The following ERC1 variants were observed in gnomAD, a reference collection of about 807,000 sequenced individuals.
The protein encoded by ERC1 is RAB6 interacting protein 2.
In ERC1, 56 loss-of-function variants were observed where a neutral mutation model predicts 132.0. That is an observed-to-expected ratio of 0.42 (90% CI 0.34 to 0.53). The LOEUF (loss-of-function observed/expected upper bound fraction) is 0.53. ERC1 is among the 20% of genes least tolerant of loss of function. ERC1 has a pLI of 0.03. For missense variants in ERC1, 1,202 were observed against 1,349.9 expected (o/e 0.89, Z 1.72); for synonymous variants, 478 against 476.1 (o/e 1.00, Z -0.05).
At chr12:1,440,397 G>A (rs112427959) in intron 17 of ERC1, among the ~76,000 whole-genome samples, 4,100 of 147,520 alleles carry the variant, frequency 0.028, 251 homozygotes, top group African/African-American at 0.098. Context: ...TAGTAGAGAC[G>A]GGGTTTCACC....
intron 1 of ERC1, among the ~76,000 whole-genome samples, chr12:1,002,043 G>T (rs1036635463): frequency 6.7e-6 from 1 of 149,230 alleles, no homozygotes; most frequent in Non-Finnish European, 1.5e-5. Context: ...TGTATTTTAA[G>T]TAGAGATGGG....
rs942312757 is a variant in ERC1, at chr12:1,182,047, C to A, written c.1998C>A (p.Gly666=). Residue 666 remains glycine (G), a synonymous_variant, in exon 10 of 19, where the codon GGC becomes GGA. Transcript: ENST00000360905. ...DLKEKVSLLQ[G]DLSEKEASLL... ...AGGAAAAAGTCAGCCTGTTGCAAGG[C>A]GACCTTTCAGAGAAAGAGGTTAAGC... The A allele has an allele frequency of 2.5e-6, 4 of 1,613,524 alleles. No homozygotes were observed. Among genetic ancestry groups the A allele is most frequent in the Admixed American group, 1.7e-5 (1 of 59,904 alleles).
intron 12 of ERC1, among the ~76,000 whole-genome samples, chr12:1,206,317 A>G (rs1957347448): frequency 6.6e-6 from 1 of 152,050 alleles, no homozygotes; most frequent in African/African-American, 2.4e-5. Flanking sequence ...TGTTTGGGTG[A>G]CTTCATTATA....
At chr12:1,265,312 A>T (rs902226386) in intron 14 of ERC1, among the ~76,000 whole-genome samples, 2 of 150,730 alleles carry the variant, frequency 1.3e-5, no homozygotes, top group African/African-American at 2.5e-5. Context: ...TTGGCAATTA[A>T]TAATCATGTC....
At chr12:1,416,836 A>G (rs186707018) in intron 17 of ERC1, among the ~76,000 whole-genome samples, 230 of 152,270 alleles carry the variant, frequency 1.5e-3, no homozygotes, top group African/African-American at 2.4e-3. Flanking sequence ...AAACAGAACA[A>G]TGCTTTTACA....
At chr12:1,198,255 T>C (rs1411192575) in intron 12 of ERC1, among the ~76,000 whole-genome samples, 2 of 152,178 alleles carry the variant, frequency 1.3e-5, no homozygotes, top group Non-Finnish European at 1.5e-5. Context: ...AAGTCTTTGG[T>C]CTTTCCATGT....
chr12:1,154,375 A>ACACG (rs1951169114), intron 8 of ERC1, among the ~76,000 whole-genome samples: 1 of 148,530 alleles, frequency 6.7e-6, no homozygotes, highest in Non-Finnish European at 1.5e-5. Flanking sequence ...ACACACACAC[A>ACACG]CACACACTTT....
At chr12:1,259,419 A>G (rs2077002445) in intron 13 of ERC1, among the ~76,000 whole-genome samples, 2 of 151,758 alleles carry the variant, frequency 1.3e-5, no homozygotes, top group Admixed American at 6.6e-5. Context: ...CATTTTTAAA[A>G]CTGAGGCACG....
chr12:1,054,288 C>T (rs1384891053), intron 2 of ERC1, among the ~76,000 whole-genome samples: 2 of 152,142 alleles, frequency 1.3e-5, no homozygotes, highest in Non-Finnish European at 2.9e-5. Context: ...CATTCTAAGG[C>T]CAGTGCTTTC....
At chr12:1,409,464 CAT>C (rs1486669955) in intron 17 of ERC1, among the ~76,000 whole-genome samples, 1 of 152,062 alleles carries the variant, frequency 6.6e-6, no homozygotes, top group Non-Finnish European at 1.5e-5. Flanking sequence ...AAAAGCAAAA[CAT>C]AAAGAAAAAC....
intron 7 of ERC1, among the ~76,000 whole-genome samples, chr12:1,123,312 G>A (rs1027501562): frequency 2.0e-5 from 3 of 152,098 alleles, no homozygotes; most frequent in East Asian, 1.9e-4. Context: ...AGAATGGGGA[G>A]GGGAGAGAAA....
At chr12:1,348,263 A>T (rs114843903) in intron 15 of ERC1, among the ~76,000 whole-genome samples, 1 of 152,016 alleles carries the variant, frequency 6.6e-6, no homozygotes. Flanking sequence ...TATGTCTGCT[A>T]CTCTTGTTTC....
chr12:1,044,343 G>A (rs1341624198), intron 2 of ERC1, among the ~76,000 whole-genome samples: 1 of 152,174 alleles, frequency 6.6e-6, no homozygotes, highest in Non-Finnish European at 1.5e-5. Context: ...TGATCATAAT[G>A]CCCAAATTCA....
At chr12:1,411,724 C>T (rs2091863758) in intron 17 of ERC1, among the ~76,000 whole-genome samples, 2 of 152,160 alleles carry the variant, frequency 1.3e-5, no homozygotes, top group African/African-American at 4.8e-5. Context: ...AATGAGCATG[C>T]CCCTACCTTG....
At chr12:1,407,638 C>T (rs1379785033) in intron 16 of ERC1, among the ~76,000 whole-genome samples, 1 of 152,128 alleles carries the variant, frequency 6.6e-6, no homozygotes, top group African/African-American at 2.4e-5. Context: ...CCCAAGCTGC[C>T]ATAATAAAAT....
At chr12:1,156,616 C>T (rs771377624) in intron 8 of ERC1, among the ~76,000 whole-genome samples, 26 of 152,128 alleles carry the variant, frequency 1.7e-4, no homozygotes, top group Non-Finnish European at 3.5e-4. Context: ...TGTAAAATGT[C>T]GATAGCTGTT....
chr12:1,378,371 TA>T (rs1356538257), intron 16 of ERC1, among the ~76,000 whole-genome samples: 6 of 152,206 alleles, frequency 3.9e-5, no homozygotes, highest in African/African-American at 1.4e-4. Flanking sequence ...TGAACGAAGC[TA>T]AAATCTTGTG....
intron 11 of ERC1, among the ~76,000 whole-genome samples, chr12:1,188,432 A>T (rs978834953): frequency 6.6e-6 from 1 of 152,190 alleles, no homozygotes; most frequent in African/African-American, 2.4e-5. Flanking sequence ...TTTCCCTCCT[A>T]CAATTAACAA....
intron 13 of ERC1, among the ~76,000 whole-genome samples, chr12:1,253,625 G>A (rs192587449): frequency 2.4e-4 from 36 of 152,150 alleles, no homozygotes; most frequent in African/African-American, 7.0e-4. Flanking sequence ...GTGGTGAGCC[G>A]AGATCACGCC....
Sources: gnomAD v4.1 joint callset for allele counts (sites outside exome capture counted in the v4.1 genomes callset) on GRCh38, gnomAD v4.1.1 for gene constraint, MANE v1.5 for transcripts, NCBI Gene and HGNC (gene_info 2026-07-23, HGNC 2026-07-21) for gene names.